Variants in NKD1 observed in about 807,000 individuals in gnomAD.
The protein encoded by NKD1 is protein naked cuticle homolog 1.
A neutral mutation model predicts 56.0 loss-of-function variants in NKD1; 21 were observed. The ratio of observed to expected loss-of-function variants is 0.38; its 90% CI spans 0.27 to 0.54. NKD1 has a LOEUF of 0.54. Ranked by LOEUF, NKD1 falls within the 20% of genes least tolerant of loss-of-function variation. The pLI is 0.82. For missense variants in NKD1, 578 were observed against 642.7 expected (o/e 0.90, Z 1.09); for synonymous variants, 263 against 265.7 (o/e 0.99, Z 0.10).
Position 50,548,727 on chromosome 16 carries a change from C to A in NKD1, c.36C>A (p.Cys12Ter). The change falls in exon 2 of 10, where the codon TGC becomes TGA. Residue 12 changes from cysteine (C) to a stop codon, truncating the protein, a stop_gained. Coordinates refer to ENST00000268459, the MANE Select transcript of NKD1 (RefSeq NM_033119.5). LOFTEE classifies it high-confidence loss of function. ...GKLHSKPAAV[C>*]KRRESPEGDS... ...GCGATGTGCCTGCAGCCGCCGTGTGCAAGCGCAGGGAGAGCCCGGAAGGTA... is the reference window on the plus strand; with the variant it reads ...GCGATGTGCCTGCAGCCGCCGTGTGAAAGCGCAGGGAGAGCCCGGAAGGTA... The A allele has an allele frequency of 1.4e-6, 2 of 1,452,068 alleles. No homozygotes were observed. The highest frequency in any genetic ancestry group is 1.5e-5 in the African/African-American group (1 of 67,116). The allele number at this position is 1,452,068 out of a possible 1,614,324, so 89.9% of individuals were successfully genotyped here. A position where few individuals can be genotyped will look rare whatever the true frequency, so the allele number is the denominator to read the frequency against.
chr16:50,565,371 C>CAA (rs200279746), intron 3 of NKD1, among the ~76,000 whole-genome samples: 1 of 110,926 alleles, frequency 9.0e-6, no homozygotes, highest in Non-Finnish European at 1.9e-5. Context: ...GACTCCGTCT[C>CAA]AAAAAAAAAA....
chr16:50,612,653 G>A (rs1961872282), intron 4 of NKD1, among the ~76,000 whole-genome samples: 1 of 152,226 alleles, frequency 6.6e-6, no homozygotes, highest in South Asian at 2.1e-4. Context: ...AGATGCAGAT[G>A]CCAGGAAGGA....
chr16:50,603,276 G>A (rs1961638140), intron 3 of NKD1, among the ~76,000 whole-genome samples: 1 of 152,236 alleles, frequency 6.6e-6, no homozygotes, highest in Non-Finnish European at 1.5e-5. Context: ...CGATCTGGAC[G>A]CTGAGGAGTG....
chr16:50,595,337 C>T (rs1596728358), intron 3 of NKD1, among the ~76,000 whole-genome samples: 1 of 152,260 alleles, frequency 6.6e-6, no homozygotes, highest in Admixed American at 6.5e-5. Flanking sequence ...GGTTCATGAA[C>T]CCCCTGAAAT....
At position 50,559,838 on chromosome 16, in the gene NKD1, G is replaced by A. The variant is rs74947875; in HGVS notation, c.192+10283G>A. ...GAGCTGGGGTCCTGAGGAGGGGAGA[G>A]GCAGAGCATAAAAGGACCCTGTTAG... On this transcript the variant is annotated intron_variant, in intron 3 of 9. Coordinates refer to ENST00000268459, the MANE Select transcript of NKD1 (RefSeq NM_033119.5). Among the ~76,000 whole-genome samples the A allele has an allele frequency of 8.8e-3, 1,346 of 152,292 alleles. 19 individuals carry two copies. Among genetic ancestry groups the A allele is most frequent in the African/African-American group, 0.031 (1,283 of 41,570 alleles).
At chr16:50,571,839 C>T (rs1190131603) in intron 3 of NKD1, among the ~76,000 whole-genome samples, 3 of 152,174 alleles carry the variant, frequency 2.0e-5, no homozygotes, top group Admixed American at 6.5e-5. Flanking sequence ...TGAATCTCTA[C>T]TGCGGCTTCC....
At chr16:50,589,838 C>T (rs2151271621) in intron 3 of NKD1, among the ~76,000 whole-genome samples, 1 of 124,060 alleles carries the variant, frequency 8.1e-6, no homozygotes, top group African/African-American at 3.1e-5. Context: ...TCTCTTTTCT[C>T]TTCTCTTTTT....
At position 50,557,741 on chromosome 16, in the gene NKD1, T is replaced by C. The variant is rs370979955; in HGVS notation, c.192+8186T>C. 36 of 152,376 alleles carry C rather than the reference T, an allele frequency of 2.4e-4. 2 individuals are homozygous for C. The highest frequency in any genetic ancestry group is 8.7e-4 in the African/African-American group (36 of 41,596). The allele number at this position is 152,376 out of a possible 1,614,324, so 9.4% of individuals were successfully genotyped here. Reference sequence around the variant, plus strand: ...TTAAATGTGACCGCATTTGATAGGCTAATATTTTACTTTGGATCTTTGCAT... The same window carrying C: ...TTAAATGTGACCGCATTTGATAGGCCAATATTTTACTTTGGATCTTTGCAT... On this transcript the variant is annotated intron_variant, in intron 3 of 9. Transcript: ENST00000268459.
intron 3 of NKD1, among the ~76,000 whole-genome samples, chr16:50,584,990 C>G (rs1961196623): frequency 6.6e-6 from 1 of 152,214 alleles, no homozygotes; most frequent in Non-Finnish European, 1.5e-5. Flanking sequence ...CACCTGCTGC[C>G]GAGCCCAGGC....
chr16:50,587,739 C>A (rs1255658706), intron 3 of NKD1, among the ~76,000 whole-genome samples: 1 of 152,162 alleles, frequency 6.6e-6, no homozygotes, highest in Non-Finnish European at 1.5e-5. Context: ...AGGGTGGGTA[C>A]AGGTCTGTGG....
chr16:50,561,392 G>GT (rs1960629612), intron 3 of NKD1, among the ~76,000 whole-genome samples: 1 of 135,154 alleles, frequency 7.4e-6, no homozygotes, highest in Non-Finnish European at 1.5e-5. Flanking sequence ...TTCTACTGCT[G>GT]TAAAAAAAAA....
At chr16:50,617,283 C>T (rs900824789) in intron 4 of NKD1, among the ~76,000 whole-genome samples, 1 of 152,194 alleles carries the variant, frequency 6.6e-6, no homozygotes, top group African/African-American at 2.4e-5. Flanking sequence ...CTCTCTTCCT[C>T]CCCACCCCTC....
intron 3 of NKD1, chr16:50,575,465 C>T (rs1037478931): frequency 3.9e-6 from 2 of 511,506 alleles, no homozygotes; most frequent in Non-Finnish European, 5.0e-6. Flanking sequence ...GCCCCTTTGA[C>T]AGGTGATCTT....
chr16:50,572,102 T>A (rs893344009), intron 3 of NKD1, among the ~76,000 whole-genome samples: 1 of 152,238 alleles, frequency 6.6e-6, no homozygotes. Context: ...CTCTCACATG[T>A]GCCTTGGAGC....
intron 3 of NKD1, among the ~76,000 whole-genome samples, chr16:50,550,878 G>A (rs1373983367): frequency 1.3e-5 from 2 of 152,190 alleles, no homozygotes; most frequent in Non-Finnish European, 2.9e-5. Context: ...CATTAATCAA[G>A]TTTTGGGTTT....
At chr16:50,586,573 A>G (rs560120497) in intron 3 of NKD1, among the ~76,000 whole-genome samples, 2 of 152,236 alleles carry the variant, frequency 1.3e-5, no homozygotes, top group Non-Finnish European at 1.5e-5. Flanking sequence ...GTTTCCTAGT[A>G]TGTCATAGGC....
At position 50,548,807 on chromosome 16, in the gene NKD1, G is replaced by A. The variant is rs1027572085; in HGVS notation, c.58+58G>A. On this transcript the variant is annotated intron_variant, in intron 2 of 9. Transcript: ENST00000268459. ...GGACGCGGGGGACACCGCGGCCGCG[G>A]CAGAACGGCCCAGCCCGCCAGGTCT... 24 of 1,342,604 alleles carry A rather than the reference G, an allele frequency of 1.8e-5. 1 individual carries two copies. In the Admixed American group the frequency reaches 4.5e-4, roughly 25 times the overall value. The allele number at this position is 1,342,604 out of a possible 1,614,324, so 83.2% of individuals were successfully genotyped here.
At chr16:50,604,858 G>A (rs1420811058) in intron 3 of NKD1, among the ~76,000 whole-genome samples, 4 of 152,280 alleles carry the variant, frequency 2.6e-5, no homozygotes, top group Non-Finnish European at 2.9e-5. Context: ...TGAGGGCAGG[G>A]CCAAGTCCCC....
At chr16:50,573,391 C>G (rs574968197) in intron 3 of NKD1, among the ~76,000 whole-genome samples, 4 of 152,350 alleles carry the variant, frequency 2.6e-5, no homozygotes, top group African/African-American at 7.2e-5. Context: ...CCTTCTCCCC[C>G]CATCAGGTTA....
Sources: allele counts gnomAD v4.1 joint callset (sites outside exome capture counted in the v4.1 genomes callset), GRCh38; gene constraint gnomAD v4.1.1; transcripts MANE v1.5; gene names NCBI Gene and HGNC (gene_info 2026-07-23, HGNC 2026-07-21).